IL1RAPL2: variants seen among roughly 807,000 people sequenced by gnomAD.
IL1RAPL2 encodes the protein interleukin 1 receptor accessory protein like 2, also known as X-linked interleukin-1 receptor accessory protein-like 2.
A neutral mutation model predicts 44.1 loss-of-function variants in IL1RAPL2; 3 were observed. That is an observed-to-expected ratio of 0.07 (90% CI 0.03 to 0.18). The LOEUF (loss-of-function observed/expected upper bound fraction) is 0.18. IL1RAPL2 is among the 10% of genes least tolerant of loss of function. IL1RAPL2 has a pLI of 1.00. For missense variants in IL1RAPL2, 391 were observed against 496.4 expected (o/e 0.79, Z 2.02); for synonymous variants, 181 against 178.8 (o/e 1.01, Z -0.10).
At chrX:105,500,637 AT>A (rs1456652674) in intron 6 of IL1RAPL2, among the ~76,000 whole-genome samples, 2 of 111,803 alleles carry the variant, frequency 1.8e-5, no homozygotes, top group East Asian at 5.6e-4. Flanking sequence ...CAGAAAAAAA[AT>A]CTATGTTAAA....
rs1307505968 is a variant in IL1RAPL2 at position 104,697,474 on chromosome X, T to A, written c.82+38479T>A. On this transcript the variant is annotated intron_variant, in intron 2 of 10. Coordinates refer to ENST00000372582, the MANE Select transcript of IL1RAPL2 (RefSeq NM_017416.2). Reference sequence around the variant, plus strand: ...GGAAACAGTAAAATAAGAAGGCAGTTTTGCTATTTTTGTACAAGACCTCCT... The same window carrying A: ...GGAAACAGTAAAATAAGAAGGCAGTATTGCTATTTTTGTACAAGACCTCCT... Among the ~76,000 whole-genome samples, 11 of 112,103 alleles carry A rather than the reference T, an allele frequency of 9.8e-5. No homozygotes were observed. The Admixed American group carries it at 1.0e-3, about 11-fold the overall frequency.
intron 6 of IL1RAPL2, among the ~76,000 whole-genome samples, chrX:105,505,156 G>T (rs1011355104): frequency 2.1e-4 from 23 of 110,705 alleles, no homozygotes; most frequent in African/African-American, 5.9e-4. Context: ...ACTAATCTCC[G>T]TAAATTTTAA....
At chrX:105,310,846 T>G (rs1049885259) in intron 5 of IL1RAPL2, among the ~76,000 whole-genome samples, 5 of 111,816 alleles carry the variant, frequency 4.5e-5, no homozygotes, top group Non-Finnish European at 9.4e-5. Flanking sequence ...ATTGTGTAAT[T>G]TATTGGGACA....
At chrX:104,663,161 T>A (rs1048770416) in intron 2 of IL1RAPL2, among the ~76,000 whole-genome samples, 1 of 111,635 alleles carries the variant, frequency 9.0e-6, no homozygotes, top group African/African-American at 3.2e-5. Context: ...ATTTTCTGAT[T>A]GTTGATGAGG....
intron 2 of IL1RAPL2, among the ~76,000 whole-genome samples, chrX:105,117,326 T>A (rs2032872326): frequency 1.8e-5 from 2 of 111,950 alleles, no homozygotes; most frequent in Admixed American, 9.5e-5. Context: ...GGTTTTTGAC[T>A]TTTTTGGGGA....
intron 5 of IL1RAPL2, among the ~76,000 whole-genome samples, chrX:105,346,096 TA>T (rs777474983): frequency 1.4e-4 from 15 of 109,674 alleles, no homozygotes; most frequent in African/African-American, 4.3e-4. Flanking sequence ...TAAAAATAAT[TA>T]AAAAAAAACA....
At chrX:104,672,511 G>C (rs1279953610) in intron 2 of IL1RAPL2, among the ~76,000 whole-genome samples, 4 of 105,839 alleles carry the variant, frequency 3.8e-5, no homozygotes, top group Non-Finnish European at 3.9e-5. Context: ...GGACATTTGG[G>C]TTGGTTCCAA....
At chrX:104,880,425 C>A (rs1284995628) in intron 2 of IL1RAPL2, among the ~76,000 whole-genome samples, 1 of 111,619 alleles carries the variant, frequency 9.0e-6, no homozygotes, top group Non-Finnish European at 1.9e-5. Flanking sequence ...CATAGACCTT[C>A]CAGGAATCAG....
rs183041368 is a variant in IL1RAPL2 at position 104,717,760 on chromosome X, C to T, written c.82+58765C>T. ...ATCTCTCCTAATGCTATCTCCCCCCCCCACCCCACAACAGTCCCCGGTGTG... is the reference window on the plus strand; with the variant it reads ...ATCTCTCCTAATGCTATCTCCCCCCTCCACCCCACAACAGTCCCCGGTGTG... On this transcript the variant is annotated intron_variant, in intron 2 of 10. Transcript: ENST00000372582. 3.8e-4 allele frequency among the ~76,000 whole-genome samples: 41 copies of T among 108,689 alleles called. No individual in the cohort carries two copies. The East Asian group carries it at 6.2e-3, about 16-fold the overall frequency. The allele number at this position is 108,689 out of a possible 115,157, so 94.4% of individuals were successfully genotyped here.
chrX:105,144,103 G>A (rs987373808), intron 2 of IL1RAPL2, among the ~76,000 whole-genome samples: 3 of 99,401 alleles, frequency 3.0e-5, no homozygotes, highest in African/African-American at 1.2e-4. Flanking sequence ...GGGTGTGTGT[G>A]TGTGTGTGTG....
At chrX:105,154,069 A>G (rs1162882242) in intron 2 of IL1RAPL2, among the ~76,000 whole-genome samples, 2 of 111,813 alleles carry the variant, frequency 1.8e-5, no homozygotes, top group African/African-American at 3.3e-5. Flanking sequence ...AGGGCCTGCT[A>G]TCTGTCATGT....
At position 105,195,610 on chromosome X, in the gene IL1RAPL2, G is replaced by A. The variant is rs782229964; in HGVS notation, c.218G>A (p.Arg73Lys). 8.3e-7 allele frequency: 1 copy of A among 1,211,934 alleles called. No homozygotes were observed. The highest frequency in any genetic ancestry group is 1.1e-6 in the Non-Finnish European group (1 of 895,556). Residue 73 changes from arginine to lysine, a missense_variant, in exon 3 of 11, where the codon AGG becomes AAG. By Grantham distance (26) the Arg-to-Lys change is conservative. This residue lies in a region of IL1RAPL2 where 159 missense variants were observed against 251.7 expected (regional missense o/e 0.63). Coordinates refer to ENST00000372582, the MANE Select transcript of IL1RAPL2 (RefSeq NM_017416.2). Reference sequence around the variant, plus strand: ...AGCACGGCCCAGAGCACTGGGCTCAGGCTTATGTGGTACAAAAACAAAGGT... The same window carrying A: ...AGCACGGCCCAGAGCACTGGGCTCAAGCTTATGTGGTACAAAAACAAAGGT... The part of the protein sequence containing the change: ...NYSTAQSTGL[R>K]LMWYKNKGDL...
At chrX:105,108,386 A>G (rs1220602380) in intron 2 of IL1RAPL2, among the ~76,000 whole-genome samples, 2 of 111,452 alleles carry the variant, frequency 1.8e-5, no homozygotes, top group African/African-American at 6.5e-5. Flanking sequence ...GCTGGAGTAC[A>G]GTGGCACAGT....
At chrX:104,692,268 C>A (rs1931102956) in intron 2 of IL1RAPL2, among the ~76,000 whole-genome samples, 2 of 110,538 alleles carry the variant, frequency 1.8e-5, no homozygotes, top group African/African-American at 6.6e-5. Context: ...CTTTTTCTAT[C>A]AAAAAGCTAC....
chrX:105,750,441 T>TTTATTA (rs199583433), intron 9 of IL1RAPL2, among the ~76,000 whole-genome samples: 8,845 of 91,481 alleles, frequency 0.097, 1,221 homozygotes, highest in African/African-American at 0.33. Flanking sequence ...GCCTGGCCAA[T>TTTATTA]TTATTATTAT....
intron 3 of IL1RAPL2, among the ~76,000 whole-genome samples, chrX:105,212,121 C>A (rs1206195663): frequency 8.9e-6 from 1 of 111,803 alleles, no homozygotes; most frequent in Non-Finnish European, 1.9e-5. Flanking sequence ...CAGAACCGCT[C>A]ACTCCCCTGG....
chrX:104,646,747 T>C (rs1307506712), intron 1 of IL1RAPL2, among the ~76,000 whole-genome samples: 3 of 111,179 alleles, frequency 2.7e-5, no homozygotes, highest in Non-Finnish European at 5.7e-5. Context: ...GTGGAAGGCG[T>C]CACATTGACA....
chrX:105,361,437 A>G (rs59155036), intron 5 of IL1RAPL2, among the ~76,000 whole-genome samples: 16,512 of 111,172 alleles, frequency 0.15, 2,949 homozygotes, highest in African/African-American at 0.51. Context: ...ATTCCAAAAA[A>G]GAGTTGAAGC....
At chrX:104,749,981 G>C (rs1932231743) in intron 2 of IL1RAPL2, among the ~76,000 whole-genome samples, 1 of 111,816 alleles carries the variant, frequency 8.9e-6, no homozygotes, top group Admixed American at 9.5e-5. Flanking sequence ...ATGGCTGACT[G>C]ACTAGGAAAA....
Sources: gnomAD v4.1 joint callset for allele counts (sites outside exome capture counted in the v4.1 genomes callset) on GRCh38, gnomAD v4.1.1 for gene constraint, gnomAD v4.1.1 regional missense constraint, MANE v1.5 for transcripts, NCBI Gene and HGNC (gene_info 2026-07-23, HGNC 2026-07-21) for gene names.